The following LMO7 variants were observed in gnomAD, a reference collection of about 807,000 sequenced individuals.
LMO7 encodes the protein LIM domain 7.
LMO7 carries 120 observed loss-of-function variants against 206.5 expected under a neutral mutation model. That is an observed-to-expected ratio of 0.58 (90% CI 0.50 to 0.68). LMO7 has a LOEUF of 0.68. Among genes scored for constraint, LMO7 ranks in the 30% least tolerant of loss-of-function variants. The pLI is 0.00. For missense variants in LMO7, 1,959 were observed against 1,957.9 expected, an observed-to-expected ratio of 1.00 and a Z score of -0.01; for synonymous variants, 706 against 681.5, an observed-to-expected ratio of 1.04 and a Z score of -0.56.
intron 1 of LMO7, among the ~76,000 whole-genome samples, chr13:75,673,687 T>C (rs1188481681): frequency 6.6e-6 from 1 of 152,242 alleles, no homozygotes; most frequent in Non-Finnish European, 1.5e-5. Context: ...TCTCACCTTA[T>C]GTGTCCATAA....
chr13:75,842,828 C>A, intron 24 of LMO7, 23 bp from the exon 25 acceptor site: 1 of 1,507,102 alleles, frequency 6.6e-7, no homozygotes, highest in Non-Finnish European at 9.2e-7. Flanking sequence ...ATTTTGACAA[C>A]AAAATCTTTT....
At chr13:75,798,592 C>A (rs967368901) in intron 6 of LMO7, among the ~76,000 whole-genome samples, 2 of 152,186 alleles carry the variant, frequency 1.3e-5, no homozygotes, top group African/African-American at 4.8e-5. Flanking sequence ...TTATAATAAA[C>A]TGGGGGTAGC....
chr13:75,843,921 G>A (rs1734293998), intron 25 of LMO7, among the ~76,000 whole-genome samples: 1 of 152,190 alleles, frequency 6.6e-6, no homozygotes, highest in Non-Finnish European at 1.5e-5. Flanking sequence ...AAAGGGACAA[G>A]CAGGTAGTAA....
chr13:75,661,015 A>G (rs1449593535), intron 1 of LMO7, among the ~76,000 whole-genome samples: 3 of 152,228 alleles, frequency 2.0e-5, no homozygotes, highest in Non-Finnish European at 4.4e-5. Context: ...TTCACATTTA[A>G]TCTTCTCACT....
chr13:75,771,522 G>A (rs1284561299), intron 4 of LMO7, among the ~76,000 whole-genome samples: 7 of 25,056 alleles, frequency 2.8e-4, no homozygotes, highest in Non-Finnish European at 5.7e-4. Flanking sequence ...GCACTGGCCT[G>A]AAACCTTTAA....
At chr13:75,715,249 G>T (rs1237516413) in intron 2 of LMO7, among the ~76,000 whole-genome samples, 1 of 152,188 alleles carries the variant, frequency 6.6e-6, no homozygotes, top group Non-Finnish European at 1.5e-5. Flanking sequence ...GAAAAGATCT[G>T]CATAGTGTGA....
Position 75,760,718 on chromosome 13 carries a change from C to T in LMO7, c.211-214C>T, listed in dbSNP as rs186055244. The T allele has an allele frequency of 1.5e-4, 230 of 1,533,392 alleles. No individual in the cohort carries two copies. In the African/African-American group the frequency reaches 2.9e-3, roughly 19 times the overall value. 95.0% of individuals were successfully genotyped at this position (1,533,392 alleles called of 1,614,324 possible). A position where few individuals can be genotyped will look rare whatever the true frequency, so the allele number is the denominator to read the frequency against. On this transcript the variant is annotated intron_variant, in intron 3 of 30. Coordinates refer to ENST00000377534, the MANE Select transcript of LMO7 (RefSeq NM_001306080.2). ...ATCACAGAAACAGTGTATGCCCGGG[C>T]ATAAGATAGCACGACTGTGTATGCT... is the stretch of plus-strand genomic sequence containing the variant.
intron 9 of LMO7, chr13:75,806,367 A>T: frequency 4.6e-6 from 2 of 430,620 alleles, no homozygotes; most frequent in Non-Finnish European, 6.2e-6. Flanking sequence ...CTGAATCAGG[A>T]AACCTGACTC....
intron 3 of LMO7, among the ~76,000 whole-genome samples, chr13:75,732,487 A>C (rs2045347238): frequency 6.6e-6 from 1 of 151,956 alleles, no homozygotes; most frequent in Non-Finnish European, 1.5e-5. Context: ...AGCTCCTTTA[A>C]GCTCTTCTCT....
intron 1 of LMO7, among the ~76,000 whole-genome samples, chr13:75,711,010 C>G (rs7991902): frequency 0.078 from 11,835 of 151,832 alleles, 1,016 homozygotes; most frequent in African/African-American, 0.21. Context: ...TAGCATGAAG[C>G]GTTGTTGAAT....
intron 11 of LMO7, among the ~76,000 whole-genome samples, chr13:75,813,369 A>G (rs1429501627): frequency 6.6e-6 from 1 of 152,172 alleles, no homozygotes. Flanking sequence ...TGCTACCCAC[A>G]CAGCCAAATC....
In LMO7 at chr13:75,636,496, G is replaced by C. The variant is rs1029046798; in HGVS notation, c.-162G>C. 2.0e-6 allele frequency: 3 copies of C among 1,476,570 alleles called. No homozygotes were observed. The African/African-American group carries it at 4.3e-5, about 21-fold the overall frequency. The allele number at this position is 1,476,570 out of a possible 1,614,324, so 91.5% of individuals were successfully genotyped here. A position where few individuals can be genotyped will look rare whatever the true frequency, so the allele number is the denominator to read the frequency against. On this transcript the variant is annotated 5_prime_UTR_variant, in exon 1 of 31. Coordinates refer to ENST00000377534, the MANE Select transcript of LMO7 (RefSeq NM_001306080.2). ...GTTCGAGACCTTAACGAACTGCAGA[G>C]CGCAACAAAGGGAACTAGAGCCCCG...
intron 4 of LMO7, chr13:75,788,802 AGCTGGTGCCACCCAGG>A (rs2052824925): frequency 6.6e-6 from 1 of 152,492 alleles, no homozygotes; most frequent in South Asian, 2.1e-4. Flanking sequence ...CTCCCAGGTC[AGCTGGTGCCACCCAGG>A]GCAGGGCAGG....
chr13:75,716,961 A>C (rs1275629866), intron 2 of LMO7, among the ~76,000 whole-genome samples: 1 of 148,772 alleles, frequency 6.7e-6, no homozygotes, highest in Non-Finnish European at 1.5e-5. Context: ...TGGGTGTGTC[A>C]GTGGTTAGTC....
chr13:75,623,887 G>A (rs1369858590), intron 2 of LMO7, among the ~76,000 whole-genome samples: 1 of 152,100 alleles, frequency 6.6e-6, no homozygotes, highest in African/African-American at 2.4e-5. Flanking sequence ...TTCTACTAGT[G>A]GGAGAATACA....
Position 75,807,471 on chromosome 13 carries a change from G to C in LMO7, c.1197-9G>C. Reference sequence around the variant, plus strand: ...AGATTCTCTTTCCTTTTTCCTCTCTGTGCATCAGTCAGTTTTTACTGCTTC... The same window carrying C: ...AGATTCTCTTTCCTTTTTCCTCTCTCTGCATCAGTCAGTTTTTACTGCTTC... On this transcript the variant is annotated splice_polypyrimidine_tract_variant and intron_variant, in intron 9 of 30. Transcript: ENST00000377534. The C allele has an allele frequency of 5.0e-6, 8 of 1,611,176 alleles. No individual in the cohort carries two copies. Among genetic ancestry groups the C allele is most frequent in the Non-Finnish European group, 6.8e-6 (8 of 1,179,070 alleles).
At chr13:75,665,923 T>G (rs1234895986) in intron 1 of LMO7, among the ~76,000 whole-genome samples, 1 of 152,210 alleles carries the variant, frequency 6.6e-6, no homozygotes. Flanking sequence ...GTTACTCAGC[T>G]AAGTGTATTT....
At chr13:75,654,883 T>G (rs1025152492) in intron 1 of LMO7, among the ~76,000 whole-genome samples, 1 of 151,668 alleles carries the variant, frequency 6.6e-6, no homozygotes, top group Admixed American at 6.6e-5. Flanking sequence ...TCTCTTTTTT[T>G]TTTTTTGACA....
At chr13:75,632,439 A>G (rs2035068935), upstream of LMO7, among the ~76,000 whole-genome samples, 1 of 152,250 alleles carries the variant, frequency 6.6e-6, no homozygotes, top group African/African-American at 2.4e-5. Flanking sequence ...AGAGAGACCA[A>G]AGGGAAATAA....
Sources: gnomAD v4.1 joint callset for allele counts (sites outside exome capture counted in the v4.1 genomes callset) on GRCh38, gnomAD v4.1.1 for gene constraint, MANE v1.5 for transcripts, NCBI Gene and HGNC (gene_info 2026-07-23, HGNC 2026-07-21) for gene names.